Variants in PIP5K1B observed in about 807,000 individuals in gnomAD.
PIP5K1B encodes phosphatidylinositol-4-phosphate 5-kinase type 1 beta, also known as phosphatidylinositol 4-phosphate 5-kinase type-1 beta.
In PIP5K1B, 42 loss-of-function variants were observed where a neutral mutation model predicts 67.0. That is an observed-to-expected ratio of 0.63 (90% confidence interval 0.49 to 0.81). The LOEUF is 0.81. PIP5K1B is among the 30% of genes least tolerant of loss of function. The pLI is 0.00. For missense variants in PIP5K1B, 459 were observed against 646.3 expected (o/e 0.71, Z 3.14); for synonymous variants, 214 against 231.4 (o/e 0.92, Z 0.68).
rs148766970 is a variant in PIP5K1B, at chr9:68,963,275, G to GA, written c.1502+22486dup. On this transcript the variant is annotated intron_variant, in intron 14 of 15. Coordinates refer to ENST00000265382, the MANE Select transcript of PIP5K1B (RefSeq NM_003558.4). ...CCCAGCACTTTGCGAGGCCGAGGCA[G>GA]ACTGATCTCTTGAGTCCGGAAGTTC... 4.0e-3 allele frequency: 1,812 copies of GA among 454,080 alleles called. 30 individuals carry two copies. Among genetic ancestry groups the GA allele is most frequent in the African/African-American group, 0.033 (1,645 of 50,118 alleles). The allele number at this position is 454,080 out of a possible 1,614,324, so 28.1% of individuals were successfully genotyped here. A position where few individuals can be genotyped will look rare whatever the true frequency, so the allele number is the denominator to read the frequency against.
intron 14 of PIP5K1B, among the ~76,000 whole-genome samples, chr9:68,970,725 A>G (rs1241793041): frequency 6.6e-6 from 1 of 152,258 alleles, no homozygotes; most frequent in African/African-American, 2.4e-5. Context: ...ACATATAAAC[A>G]TATGGATTTG....
At chr9:68,722,458 G>T (rs1019911807) in intron 1 of PIP5K1B, among the ~76,000 whole-genome samples, 2 of 151,556 alleles carry the variant, frequency 1.3e-5, no homozygotes, top group Admixed American at 1.3e-4. Flanking sequence ...CAAGTGTTCC[G>T]CCCGCCTCGG....
At chr9:68,901,993 A>G (rs1440638746) in intron 8 of PIP5K1B, among the ~76,000 whole-genome samples, 1 of 152,208 alleles carries the variant, frequency 6.6e-6, no homozygotes, top group East Asian at 1.9e-4. Context: ...GATATCATAC[A>G]CCCTTCACTC....
At chr9:68,766,810 C>CA (rs1830448876) in intron 2 of PIP5K1B, among the ~76,000 whole-genome samples, 1 of 151,732 alleles carries the variant, frequency 6.6e-6, no homozygotes, top group Non-Finnish European at 1.5e-5. Context: ...GAGAAGTAAC[C>CA]AAAAAATATT....
At chr9:68,925,844 C>CTGCAG (rs1171851333) in intron 12 of PIP5K1B, among the ~76,000 whole-genome samples, 8 of 111,388 alleles carry the variant, frequency 7.2e-5, no homozygotes, top group Non-Finnish European at 5.0e-5. Context: ...ACCACTCAGG[C>CTGCAG]TGCAGTGCAG....
intron 2 of PIP5K1B, among the ~76,000 whole-genome samples, chr9:68,805,041 G>A (rs1832794292): frequency 6.6e-6 from 1 of 152,228 alleles, no homozygotes; most frequent in Non-Finnish European, 1.5e-5. Flanking sequence ...AGCAGATGAA[G>A]CATTGCATTC....
intron 14 of PIP5K1B, among the ~76,000 whole-genome samples, chr9:68,953,944 T>C (rs1181118601): frequency 1.3e-5 from 2 of 151,966 alleles, no homozygotes; most frequent in Non-Finnish European, 2.9e-5. Flanking sequence ...GAGAAAGGCC[T>C]GGCTGTCAGC....
chr9:68,986,591 C>T lies in PIP5K1B; in HGVS notation c.1503-4549C>T, dbSNP rs80170767. On this transcript the variant is annotated intron_variant, in intron 14 of 15. Coordinates refer to ENST00000265382, the MANE Select transcript of PIP5K1B (RefSeq NM_003558.4). ...GTTTGAAAAACAGTATAAATAACAA[C>T]GTTTTAAAAAAAAGAAAGATGCCCA... Among the ~76,000 whole-genome samples the T allele has an allele frequency of 2.9e-4, 44 of 151,554 alleles. 1 individual carries two copies. Among genetic ancestry groups the T allele is most frequent in the Admixed American group, 5.9e-4 (9 of 15,228 alleles).
At chr9:68,808,399 C>T (rs1194739766) in intron 2 of PIP5K1B, among the ~76,000 whole-genome samples, 1 of 152,116 alleles carries the variant, frequency 6.6e-6, no homozygotes, top group African/African-American at 2.4e-5. Flanking sequence ...CCCCCGACTC[C>T]CAGCTTCCCC....
chr9:69,006,868 T>C (rs997940132), intron 15 of PIP5K1B, among the ~76,000 whole-genome samples: 1 of 152,244 alleles, frequency 6.6e-6, no homozygotes, highest in Non-Finnish European at 1.5e-5. Flanking sequence ...CTCATCATTT[T>C]ATGTGGGTTG....
chr9:68,818,026 A>G (rs1481254777), intron 2 of PIP5K1B, among the ~76,000 whole-genome samples: 2 of 152,210 alleles, frequency 1.3e-5, no homozygotes. Flanking sequence ...CATAGGGATA[A>G]TATTGAAAAA....
At chr9:68,962,444 A>G (rs761114939) in intron 14 of PIP5K1B, among the ~76,000 whole-genome samples, 26 of 152,258 alleles carry the variant, frequency 1.7e-4, no homozygotes, top group Non-Finnish European at 2.9e-4. Context: ...TGGCCAAGTC[A>G]TGAAGCATTT....
At chr9:68,904,317 C>A (rs1256802083) in intron 8 of PIP5K1B, among the ~76,000 whole-genome samples, 1 of 152,192 alleles carries the variant, frequency 6.6e-6, no homozygotes, top group Non-Finnish European at 1.5e-5. Context: ...GGTCACCTAA[C>A]TCTGACAAGG....
chr9:68,948,385 A>G (rs968815687), intron 14 of PIP5K1B, among the ~76,000 whole-genome samples: 1 of 152,206 alleles, frequency 6.6e-6, no homozygotes, highest in African/African-American at 2.4e-5. Context: ...TAATCCCAGC[A>G]CTGTGGGAGG....
chr9:68,802,527 A>T (rs1463534647), intron 2 of PIP5K1B, among the ~76,000 whole-genome samples: 1 of 152,202 alleles, frequency 6.6e-6, no homozygotes, highest in African/African-American at 2.4e-5. Flanking sequence ...TAAACTGAGG[A>T]TTACAATATA....
chr9:68,948,999 G>A (rs61547334), intron 14 of PIP5K1B, among the ~76,000 whole-genome samples: 8,863 of 151,908 alleles, frequency 0.058, 526 homozygotes, highest in African/African-American at 0.15. Context: ...TACTTTTTGT[G>A]TGTTACTAAG....
At chr9:68,956,186 A>C (rs1828379852) in intron 14 of PIP5K1B, among the ~76,000 whole-genome samples, 1 of 152,220 alleles carries the variant, frequency 6.6e-6, no homozygotes, top group Non-Finnish European at 1.5e-5. Context: ...AAACATTCCT[A>C]TAGGCCGGGC....
intron 1 of PIP5K1B, among the ~76,000 whole-genome samples, chr9:68,715,982 G>A (rs1468544160): frequency 1.3e-5 from 2 of 152,330 alleles, no homozygotes; most frequent in Non-Finnish European, 2.9e-5. Context: ...TGCCTCTGGG[G>A]AGGTGAATTG....
At chr9:69,007,625 A>G (rs1025225005) in intron 15 of PIP5K1B, among the ~76,000 whole-genome samples, 1 of 152,204 alleles carries the variant, frequency 6.6e-6, no homozygotes, top group Non-Finnish European at 1.5e-5. Flanking sequence ...TGGGAGGCCA[A>G]GGTGGGCGGA....
Sources: allele counts gnomAD v4.1 joint callset (sites outside exome capture counted in the v4.1 genomes callset), GRCh38; gene constraint gnomAD v4.1.1; transcripts MANE v1.5; gene names NCBI Gene and HGNC (gene_info 2026-07-23, HGNC 2026-07-21).